The following GAREM1 variants were observed in gnomAD, a reference collection of about 807,000 sequenced individuals.
GAREM1 encodes the protein GRB2 associated regulator of MAPK1 subtype 1.
In GAREM1, 26 loss-of-function variants were observed where a neutral mutation model predicts 71.3. That is an observed-to-expected ratio of 0.36 (90% confidence interval 0.27 to 0.51). The LOEUF is 0.51. Among genes scored for constraint, GAREM1 ranks in the 20% least tolerant of loss-of-function variants. The pLI is 0.95. For synonymous variants in GAREM1, 440 were observed against 433.2 expected (o/e 1.02, Z -0.20); for missense variants, 1,026 against 1,103.1 (o/e 0.93, Z 0.99).
At chr18:32,298,662 TTCTC>T (rs1336574471) in intron 3 of GAREM1, among the ~76,000 whole-genome samples, 1 of 152,290 alleles carries the variant, frequency 6.6e-6, no homozygotes, top group African/African-American at 2.4e-5. Flanking sequence ...CGCGCACACA[TTCTC>T]TCTGTCTGAA....
chr18:32,321,396 C>T lies in GAREM1; in HGVS notation c.263-11073G>A, dbSNP rs192524745. Among the ~76,000 whole-genome samples the T allele has an allele frequency of 4.6e-5, 7 of 152,192 alleles. No homozygotes were observed. In the East Asian group the frequency reaches 9.7e-4, roughly 21 times the overall value. On this transcript the variant is annotated intron_variant, in intron 2 of 5. Coordinates refer to ENST00000269209, the MANE Select transcript of GAREM1 (RefSeq NM_001242409.2). ...TGACATTCTGAGTTCTGTGCATGGC[C>T]GTCTTCCTCTCATTCCGCTTCTTTC...
At chr18:32,437,603 T>C (rs921596207) in intron 1 of GAREM1, among the ~76,000 whole-genome samples, 26 of 151,914 alleles carry the variant, frequency 1.7e-4, no homozygotes, top group African/African-American at 6.3e-4. Flanking sequence ...AGGATGATGA[T>C]TAAATCCTGA....
intron 1 of GAREM1, among the ~76,000 whole-genome samples, chr18:32,441,307 A>G (rs1490536427): frequency 6.6e-6 from 1 of 151,334 alleles, no homozygotes; most frequent in Non-Finnish European, 1.5e-5. Flanking sequence ...TAGCGGCCAA[A>G]GTCCAACAAC....
At chr18:32,368,681 C>T (rs2047949339) in intron 2 of GAREM1, among the ~76,000 whole-genome samples, 1 of 152,190 alleles carries the variant, frequency 6.6e-6, no homozygotes, top group East Asian at 1.9e-4. Flanking sequence ...GAATGAAATG[C>T]ATCTATAGAG....
rs555811439 is a variant in GAREM1, at chr18:32,267,812, C to T, written c.*59G>A. The stretch of plus-strand genomic sequence containing the variant: ...AAAAACATGAAATTGTGTCCCAGCC[C>T]ACCCCTTCTAGCACACGCATTGATC... On this transcript the variant is annotated 3_prime_UTR_variant, in exon 6 of 6. Transcript: ENST00000269209. 5.1e-6 allele frequency: 7 copies of T among 1,382,078 alleles called. No homozygotes were observed. The South Asian group carries it at 9.6e-5, about 19-fold the overall frequency. The allele number at this position is 1,382,078 out of a possible 1,614,324, so 85.6% of individuals were successfully genotyped here. A position where few individuals can be genotyped will look rare whatever the true frequency, so the allele number is the denominator to read the frequency against.
At chr18:32,430,609 G>A (rs566941793) in intron 1 of GAREM1, among the ~76,000 whole-genome samples, 56 of 152,336 alleles carry the variant, frequency 3.7e-4, no homozygotes, top group Admixed American at 1.3e-3. Context: ...GCATGGGGCA[G>A]CATTCTGAAG....
chr18:32,314,006 C>T (rs959059450), intron 2 of GAREM1, among the ~76,000 whole-genome samples: 4 of 151,586 alleles, frequency 2.6e-5, no homozygotes, highest in Admixed American at 1.3e-4. Flanking sequence ...GCTCATATAC[C>T]ACATAGAAAT....
At chr18:32,389,455 G>A (rs917258906) in intron 2 of GAREM1, among the ~76,000 whole-genome samples, 1 of 152,250 alleles carries the variant, frequency 6.6e-6, no homozygotes, top group African/African-American at 2.4e-5. Context: ...TATAGATGAG[G>A]AAACAAAGAT....
At chr18:32,466,796 C>T (rs1221279510) in intron 1 of GAREM1, among the ~76,000 whole-genome samples, 3 of 152,162 alleles carry the variant, frequency 2.0e-5, no homozygotes, top group African/African-American at 7.2e-5. Context: ...AATATCTGAT[C>T]TTAATTGCAC....
chr18:32,381,389 G>A (rs968789449), intron 2 of GAREM1, among the ~76,000 whole-genome samples: 1 of 152,158 alleles, frequency 6.6e-6, no homozygotes, highest in African/African-American at 2.4e-5. Context: ...GTAAGAAAAA[G>A]TGTGCAAAAG....
chr18:32,424,927 C>G (rs1248651302), intron 1 of GAREM1, among the ~76,000 whole-genome samples: 1 of 152,110 alleles, frequency 6.6e-6, no homozygotes, highest in Non-Finnish European at 1.5e-5. Context: ...TCCACAGAGG[C>G]CAGCCCTCCA....
chr18:32,447,883 G>A (rs757034417), intron 1 of GAREM1, among the ~76,000 whole-genome samples: 5 of 152,114 alleles, frequency 3.3e-5, no homozygotes, highest in Admixed American at 3.3e-4. Context: ...AAGTTATGTT[G>A]TTGAAATTCT....
chr18:32,275,162 T>C (rs1310555970), intron 4 of GAREM1, among the ~76,000 whole-genome samples: 1 of 152,158 alleles, frequency 6.6e-6, no homozygotes, highest in Non-Finnish European at 1.5e-5. Context: ...TGACACAGTG[T>C]CATGGTGAAA....
chr18:32,297,816 C>G (rs2047157971), intron 3 of GAREM1, among the ~76,000 whole-genome samples: 1 of 152,174 alleles, frequency 6.6e-6, no homozygotes, highest in Non-Finnish European at 1.5e-5. Context: ...CTTGGCGAGT[C>G]ACCCATTTGA....
At chr18:32,270,579 C>T (rs2041446257) in intron 4 of GAREM1, among the ~76,000 whole-genome samples, 196 bp from the exon 5 acceptor site, 2 of 152,210 alleles carry the variant, frequency 1.3e-5, no homozygotes, top group South Asian at 4.1e-4. Flanking sequence ...GCGCCTGTCA[C>T]ACACTTGCTG....
At chr18:32,362,206 C>A (rs147078961) in intron 2 of GAREM1, among the ~76,000 whole-genome samples, 1 of 152,294 alleles carries the variant, frequency 6.6e-6, no homozygotes, top group Non-Finnish European at 1.5e-5. Context: ...GTTCACTCAT[C>A]TTTCTCATCA....
At chr18:32,318,811 A>C (rs530944081) in intron 2 of GAREM1, among the ~76,000 whole-genome samples, 2 of 152,316 alleles carry the variant, frequency 1.3e-5, no homozygotes, top group East Asian at 3.9e-4. Flanking sequence ...AACTCAAGTG[A>C]GCAACATTCT....
At chr18:32,353,827 G>C in intron 2 of GAREM1, among the ~76,000 whole-genome samples, 1 of 152,142 alleles carries the variant, frequency 6.6e-6, no homozygotes, top group Non-Finnish European at 1.5e-5. Flanking sequence ...GAAATCTGGG[G>C]AAGACTTAAT....
chr18:32,314,590 G>GTT (rs1282318787), intron 2 of GAREM1, among the ~76,000 whole-genome samples: 1 of 140,522 alleles, frequency 7.1e-6, no homozygotes, highest in African/African-American at 3.0e-5. Flanking sequence ...ACTTTTTGTT[G>GTT]TTGTTTTTTT....
Sources: gnomAD v4.1 joint callset for allele counts (sites outside exome capture counted in the v4.1 genomes callset) on GRCh38, gnomAD v4.1.1 for gene constraint, MANE v1.5 for transcripts, NCBI Gene and HGNC (gene_info 2026-07-23, HGNC 2026-07-21) for gene names.